Variants in INCA1 observed in about 807,000 individuals in gnomAD.
The protein encoded by INCA1 is protein INCA1.
INCA1 carries 28 observed loss-of-function variants against 25.7 expected under a neutral mutation model. The observed-to-expected ratio is 1.09, with a 90% CI of 0.81 to 1.49. The LOEUF is 1.49. INCA1 is among the 40% of genes most tolerant of loss of function. The pLI is 0.00. For missense variants in INCA1, 309 were observed against 290.9 expected (o/e 1.06, Z -0.45); for synonymous variants, 111 against 103.6 (o/e 1.07, Z -0.43).
exon 7 of INCA1, chr17:4,988,526 T>G: frequency 6.2e-7 from 1 of 1,609,290 alleles, no homozygotes; most frequent in Non-Finnish European, 8.5e-7. Flanking sequence ...CTCCTCCTGA[T>G]CCAGGGGGCT....
At chr17:4,989,332 A>G in intron 5 of INCA1, 96 bp downstream of exon 5, 1 of 1,183,422 alleles carries the variant, frequency 8.5e-7, no homozygotes, top group Admixed American at 2.2e-5. Flanking sequence ...CTCCCCTCAA[A>G]CCTCCCCTCA....
At chr17:4,993,704 G>A (rs113165867) in intron 2 of INCA1, among the ~76,000 whole-genome samples, 4,778 of 150,870 alleles carry the variant, frequency 0.032, 254 homozygotes, top group African/African-American at 0.11. Context: ...TCCTGACCTC[G>A]TGATCCACCC....
exon 5 of INCA1, chr17:4,989,499 TCCC>T (rs767196002): frequency 3.1e-6 from 5 of 1,614,182 alleles, no homozygotes; most frequent in Non-Finnish European, 4.2e-6. Flanking sequence ...GGGCGGGGAC[TCCC>T]CCAAGGCCCT....
chr17:4,991,490 T>C (rs1973871624), intron 2 of INCA1, among the ~76,000 whole-genome samples: 1 of 152,242 alleles, frequency 6.6e-6, no homozygotes, highest in Non-Finnish European at 1.5e-5. Flanking sequence ...AATAGGAGTG[T>C]GCAGAGCTGT....
chr17:4,989,481 C>A, exon 5 of INCA1: 2 of 1,614,184 alleles, frequency 1.2e-6, no homozygotes, highest in Non-Finnish European at 1.7e-6. Flanking sequence ...AAGTGACAGC[C>A]CTCACCCGGG....
chr17:4,993,511 C>T (rs1165296399), intron 2 of INCA1, among the ~76,000 whole-genome samples: 1 of 151,746 alleles, frequency 6.6e-6, no homozygotes, highest in African/African-American at 2.4e-5. Flanking sequence ...CTTTGTCACT[C>T]AGGCTGGAGT....
At chr17:4,988,315 C>T in exon 7 of INCA1, 1 of 1,412,240 alleles carries the variant, frequency 7.1e-7, no homozygotes. Flanking sequence ...GGGGAAACGC[C>T]TTCATGTCAG....
intron 6 of INCA1, 39 bp downstream of exon 6, chr17:4,988,740 A>C: frequency 6.2e-7 from 1 of 1,611,302 alleles, no homozygotes; most frequent in East Asian, 2.2e-5. Context: ...AGAGACCCAC[A>C]TCACTCCCTC....
chr17:4,988,513 A>G, exon 7 of INCA1: 1 of 1,613,754 alleles, frequency 6.2e-7, no homozygotes, highest in Middle Eastern at 1.7e-4. Context: ...TGGAGGCACA[A>G]GCCTCCTCCT....
At chr17:4,996,666 C>CAAAAA (rs35732129) in intron 1 of INCA1, among the ~76,000 whole-genome samples, 42 of 51,794 alleles carry the variant, frequency 8.1e-4, no homozygotes, top group Non-Finnish European at 9.9e-4. Context: ...GACTCCGTCT[C>CAAAAA]AAAAAAAAAA....
intron 2 of INCA1, among the ~76,000 whole-genome samples, chr17:4,992,741 G>C (rs1363357546): frequency 1.9e-5 from 2 of 103,116 alleles, no homozygotes; most frequent in Non-Finnish European, 3.7e-5. Flanking sequence ...ACAGGGACTT[G>C]CTTTGTTGCC....
intron 2 of INCA1, among the ~76,000 whole-genome samples, chr17:4,990,828 A>G (rs1973822743): frequency 6.7e-6 from 1 of 149,504 alleles, no homozygotes; most frequent in African/African-American, 2.5e-5. Flanking sequence ...GGTTGCAGTG[A>G]GTCGAAATCG....
intron 2 of INCA1, among the ~76,000 whole-genome samples, chr17:4,990,808 G>A (rs1017471326): frequency 1.3e-4 from 19 of 150,800 alleles, no homozygotes; most frequent in African/African-American, 4.1e-4. Flanking sequence ...ACTTGAACCC[G>A]GGAGGAGGAG....
chr17:4,994,166 G>A (rs1974067575), intron 2 of INCA1, among the ~76,000 whole-genome samples: 2 of 152,216 alleles, frequency 1.3e-5, no homozygotes, highest in Non-Finnish European at 2.9e-5. Context: ...AGCTCTACAA[G>A]AGCAGGACCC....
At chr17:4,997,271 C>G (rs1217499707), upstream of INCA1, 1 of 152,242 alleles carries the variant, frequency 6.6e-6, no homozygotes, top group African/African-American at 2.4e-5. Flanking sequence ...CTGGGGGCTG[C>G]TTCCCTCGAG....
At position 4,988,547 on chromosome 17, in the gene INCA1, C is replaced by T; in HGVS notation, c.569G>A (p.Trp190Ter). The T allele has an allele frequency of 6.2e-7, 1 of 1,609,946 alleles. No homozygotes were observed. Among genetic ancestry groups the T allele is most frequent in the Non-Finnish European group, 8.5e-7 (1 of 1,178,910 alleles). The stretch of plus-strand genomic sequence containing the variant: ...CTGATCCAGGGGGCTCCAGGGAGAC[C>T]AAAGCAGCTGTCAAGATGAGAGAAA... The change falls in exon 7 of 7, where the codon TGG becomes TAG. Residue 190 changes from tryptophan (W) to a stop codon, truncating the protein, a stop_gained. Coordinates refer to ENST00000576820, the Ensembl canonical transcript of INCA1. LOFTEE classifies it low-confidence loss of function (END_TRUNC).
At chr17:4,994,304 T>G (rs1974076546) in intron 2 of INCA1, 90 bp downstream of exon 2, 2 of 1,225,084 alleles carry the variant, frequency 1.6e-6, no homozygotes. Flanking sequence ...TTTCCCGTTC[T>G]TTATTTCCTA....
chr17:4,994,393 C>G lies in INCA1; in HGVS notation c.44+1G>C, dbSNP rs1421878233. On this transcript the variant is annotated splice_donor_variant, in intron 2 of 6. Transcript: ENST00000576820. LOFTEE classifies it high-confidence loss of function. ...GCTCCCCACCCAGTGGGAGGACTCA[C>G]TTGGCAAAGGGGATGAGGTTGACTC... 6.2e-7 allele frequency: 1 copy of G among 1,613,906 alleles called. No individual in the cohort carries two copies. Among genetic ancestry groups the G allele is most frequent in the South Asian group, 1.1e-5 (1 of 91,068 alleles).
intron 1 of INCA1, among the ~76,000 whole-genome samples, chr17:4,994,895 A>G (rs1232651161): frequency 6.6e-6 from 1 of 152,110 alleles, no homozygotes; most frequent in Non-Finnish European, 1.5e-5. Context: ...GATGCTGAAA[A>G]AAGAGAGAGC....
Sources: gnomAD v4.1 joint callset for allele counts (sites outside exome capture counted in the v4.1 genomes callset) on GRCh38, gnomAD v4.1.1 for gene constraint, MANE v1.5 for transcripts, NCBI Gene and HGNC (gene_info 2026-07-23, HGNC 2026-07-21) for gene names.